The following PIK3CB variants were observed in gnomAD, a reference collection of about 807,000 sequenced individuals.
PIK3CB encodes the protein phosphatidylinositol-4,5-bisphosphate 3-kinase catalytic subunit beta, also known as phosphatidylinositol 4,5-bisphosphate 3-kinase catalytic subunit beta isoform.
PIK3CB carries 39 observed loss-of-function variants against 136.8 expected under a neutral mutation model. The ratio of observed to expected loss-of-function variants is 0.29; its 90% confidence interval spans 0.22 to 0.37. The LOEUF is 0.37. PIK3CB is among the 10% of genes least tolerant of loss of function. PIK3CB has a pLI of 1.00. For missense variants in PIK3CB, 868 were observed against 1,275.4 expected, an observed-to-expected ratio of 0.68 and a Z score of 4.87; for synonymous variants, 428 against 436.6, an observed-to-expected ratio of 0.98 and a Z score of 0.25.
chr3:138,662,115 T>A (rs977424156), intron 21 of PIK3CB, among the ~76,000 whole-genome samples: 16 of 138,884 alleles, frequency 1.2e-4, no homozygotes, highest in African/African-American at 4.7e-4. Flanking sequence ...TTGGTAATCT[T>A]TTTTTTTTTT....
At chr3:138,691,389 A>C (rs2044004873) in intron 14 of PIK3CB, among the ~76,000 whole-genome samples, 1 of 152,210 alleles carries the variant, frequency 6.6e-6, no homozygotes, top group South Asian at 2.1e-4. Context: ...CAAATGAATT[A>C]GATTGTGATA....
At chr3:138,676,928 T>C (rs2043658197) in intron 19 of PIK3CB, among the ~76,000 whole-genome samples, 1 of 152,186 alleles carries the variant, frequency 6.6e-6, no homozygotes, top group African/African-American at 2.4e-5. Context: ...TAGTGATGGT[T>C]GCACAACTCA....
At chr3:138,702,949 C>T (rs1023463091) in intron 12 of PIK3CB, among the ~76,000 whole-genome samples, 1 of 152,060 alleles carries the variant, frequency 6.6e-6, no homozygotes, top group African/African-American at 2.4e-5. Context: ...ATTGATCATG[C>T]AAATTTTTTT....
At chr3:138,815,503 G>GA (rs775477893) in intron 1 of PIK3CB, among the ~76,000 whole-genome samples, 4 of 146,230 alleles carry the variant, frequency 2.7e-5, no homozygotes, top group Non-Finnish European at 6.0e-5. Flanking sequence ...TATAAATACA[G>GA]AAAAAATATG....
intron 14 of PIK3CB, 127 bp from the exon 15 acceptor site, chr3:138,691,270 G>T: frequency 6.3e-6 from 5 of 797,136 alleles, no homozygotes; most frequent in Non-Finnish European, 8.0e-6. Context: ...CTTGTTACAT[G>T]CTTTCCTTCA....
intron 1 of PIK3CB, among the ~76,000 whole-genome samples, chr3:138,822,523 G>A (rs1933601985): frequency 6.6e-6 from 1 of 151,794 alleles, no homozygotes; most frequent in African/African-American, 2.4e-5. Flanking sequence ...GCGACACAGT[G>A]AGACCCCGTC....
intron 12 of PIK3CB, among the ~76,000 whole-genome samples, chr3:138,701,203 CATTAAAG>C (rs1243797258): frequency 6.8e-6 from 1 of 147,236 alleles, no homozygotes; most frequent in East Asian, 2.0e-4. Context: ...AAATGTCAGT[CATTAAAG>C]ATTAAAAAAA....
rs1037009555 is a variant in PIK3CB, at chr3:138,822,820, T to C, written c.-122+11875A>G. On this transcript the variant is annotated intron_variant, in intron 1 of 23. Transcript: ENST00000674063. ...TCACGCCACTGCAAATATATATATA[T>C]GAAATATATATACAAAATATATATA... Among the ~76,000 whole-genome samples the C allele has an allele frequency of 2.9e-4, 42 of 146,044 alleles. No individual in the cohort carries two copies. In the South Asian group the frequency reaches 3.4e-3, roughly 12 times the overall value.
Position 138,685,667 on chromosome 3 carries a change from C to T in PIK3CB, c.2137-864G>A, listed in dbSNP as rs183287272. 6.0e-4 allele frequency among the ~76,000 whole-genome samples: 91 copies of T among 151,748 alleles called. 1 individual carries two copies. Among genetic ancestry groups the T allele is most frequent in the African/African-American group, 1.9e-3 (80 of 41,344 alleles). The stretch of plus-strand genomic sequence containing the variant: ...ATTTCCATTAACAGCATAGCTAGAA[C>T]GAATTATTTTATAATAAAGTGTGAA... On this transcript the variant is annotated intron_variant, in intron 16 of 23. Coordinates refer to ENST00000674063, the MANE Select transcript of PIK3CB (RefSeq NM_006219.3).
chr3:138,659,559 A>G (rs2043251046), intron 21 of PIK3CB, among the ~76,000 whole-genome samples: 1 of 152,022 alleles, frequency 6.6e-6, no homozygotes, highest in South Asian at 2.1e-4. Context: ...TTAGGTTAGA[A>G]ATCATTTTCC....
intron 19 of PIK3CB, among the ~76,000 whole-genome samples, chr3:138,680,765 G>C (rs1307004709): frequency 2.6e-5 from 4 of 151,242 alleles, no homozygotes; most frequent in African/African-American, 4.9e-5. Context: ...CTCGCTCACC[G>C]CAACTTCCGC....
At position 138,830,776 on chromosome 3, in the gene PIK3CB, C is replaced by T. The variant is rs1933992141; in HGVS notation, c.-122+3919G>A. Among the ~76,000 whole-genome samples, 3 of 151,160 alleles carry T rather than the reference C, an allele frequency of 2.0e-5. No individual in the cohort carries two copies. The Admixed American group carries it at 2.0e-4, about 10-fold the overall frequency. On this transcript the variant is annotated intron_variant, in intron 1 of 23. Transcript: ENST00000674063. ...AATTAGCCGGGCGTGTTGGCTGGCG[C>T]CTGTAGTCCCAGCTACTTGGGAGGC...
Position 138,669,702 on chromosome 3 carries a change from T to C in PIK3CB, c.2505-4499A>G, listed in dbSNP as rs1032182628. On this transcript the variant is annotated intron_variant, in intron 19 of 23. Transcript: ENST00000674063. ...ACATGAAAGGTATCAAAAGAGTATT[T>C]TGGAACGTCATAGAAAAATGAAAAT... is the stretch of plus-strand genomic sequence containing the variant. Among the ~76,000 whole-genome samples the C allele has an allele frequency of 5.3e-5, 8 of 152,154 alleles. No individual in the cohort carries two copies. In the South Asian group the frequency reaches 6.2e-4, roughly 12 times the overall value.
intron 8 of PIK3CB, among the ~76,000 whole-genome samples, chr3:138,717,747 T>A (rs2044642670): frequency 1.3e-5 from 2 of 152,198 alleles, no homozygotes; most frequent in South Asian, 2.1e-4. Context: ...TGTTCATAAG[T>A]TCTTATCATT....
chr3:138,761,035 T>A (rs2045656005), intron 2 of PIK3CB, among the ~76,000 whole-genome samples: 1 of 152,228 alleles, frequency 6.6e-6, no homozygotes, highest in Admixed American at 6.5e-5. Context: ...TGATCATTAA[T>A]AGATGCTAAA....
chr3:138,665,101 A>G lies in PIK3CB; in HGVS notation c.2607T>C (p.Asn869=), dbSNP rs1240221060. The G allele has an allele frequency of 6.2e-7, 1 of 1,612,996 alleles. No homozygotes were observed. The highest frequency in any genetic ancestry group is 8.5e-7 in the Non-Finnish European group (1 of 1,179,038). Residue 869 remains asparagine (N), a synonymous_variant, in exon 20 of 24, where the codon AAT becomes AAC. Coordinates refer to ENST00000674063, the MANE Select transcript of PIK3CB (RefSeq NM_006219.3). The part of the protein sequence containing the change: ...TIADIQLNSS[N]VAAAAAFNKD... ...TGTTGAAGGCTGCTGCAGCAGCCAC[A>G]TTGCTACTGTTCAGCTGAATGTCAG...
At chr3:138,693,520 T>A (rs1007419078) in intron 14 of PIK3CB, among the ~76,000 whole-genome samples, 1 of 152,064 alleles carries the variant, frequency 6.6e-6, no homozygotes, top group African/African-American at 2.4e-5. Context: ...TGCCTCAGCC[T>A]CCTGAGTAGC....
At position 138,714,463 on chromosome 3, in the gene PIK3CB, A is replaced by G; in HGVS notation, c.1302+5T>C. 6.3e-7 allele frequency: 1 copy of G among 1,593,742 alleles called. No individual in the cohort carries two copies. Among genetic ancestry groups the G allele is most frequent in the Non-Finnish European group, 8.6e-7 (1 of 1,164,860 alleles). The stretch of plus-strand genomic sequence containing the variant: ...AACAATCCTCAGAAGTTGGTATATC[A>G]TTACCACTTTTCCAGCTTTCCTGAT... On this transcript the variant is annotated splice_donor_5th_base_variant and intron_variant, in intron 9 of 23. Coordinates refer to ENST00000674063, the MANE Select transcript of PIK3CB (RefSeq NM_006219.3).
In PIK3CB at chr3:138,698,964, T is replaced by C. The variant is rs372560682; in HGVS notation, c.1713A>G (p.Gln571=). ...LRQDCREIFP[Q]SLPKLLLSIK... ...TTGACAGCAGTAATTTTGGCAGTGATTGTGGGAAAATCTCTCGGCAGTCTT... is the reference window on the plus strand; with the variant it reads ...TTGACAGCAGTAATTTTGGCAGTGACTGTGGGAAAATCTCTCGGCAGTCTT... The change falls in exon 13 of 24, where the codon CAA becomes CAG. Residue 571 remains glutamine, a synonymous_variant. Transcript: ENST00000674063. 6.2e-7 allele frequency: 1 copy of C among 1,603,356 alleles called. No individual in the cohort carries two copies. The highest frequency in any genetic ancestry group is 8.5e-7 in the Non-Finnish European group (1 of 1,172,826).
Sources: allele counts gnomAD v4.1 joint callset (sites outside exome capture counted in the v4.1 genomes callset), GRCh38; gene constraint gnomAD v4.1.1; transcripts MANE v1.5; gene names NCBI Gene and HGNC (gene_info 2026-07-23, HGNC 2026-07-21).